The following EXOSC10 variants were observed in gnomAD, a reference collection of about 807,000 sequenced individuals.
EXOSC10 encodes the protein exosome complex component 10.
In EXOSC10, 94 loss-of-function variants were observed where a neutral mutation model predicts 126.6. That is an observed-to-expected ratio of 0.74 (90% CI 0.63 to 0.88). EXOSC10 has a LOEUF of 0.88. Among genes scored for constraint, EXOSC10 ranks in the 40% least tolerant of loss-of-function variants. EXOSC10 has a pLI of 0.00. For missense variants in EXOSC10, 1,041 were observed against 1,100.5 expected (o/e 0.95, Z 0.77); for synonymous variants, 395 against 400.8 (o/e 0.99, Z 0.17).
intron 10 of EXOSC10, 151 bp downstream of exon 10, chr1:11,082,537 T>A: frequency 6.8e-7 from 1 of 1,478,550 alleles, no homozygotes; most frequent in South Asian, 1.4e-5. Context: ...TTCCTACCAC[T>A]TTTACGCTGC....
rs779405374 is a variant in EXOSC10, at chr1:11,076,959, A to G, written c.1880-11T>C. The G allele has an allele frequency of 1.2e-6, 2 of 1,600,628 alleles. No homozygotes were observed. The highest frequency in any genetic ancestry group is 1.7e-6 in the Non-Finnish European group (2 of 1,168,398). ...GAACTGGCACAGATCCTAGAGGAGCAGAAGATAGTAAGGTCAAAGCCTACA... is the reference window on the plus strand; with the variant it reads ...GAACTGGCACAGATCCTAGAGGAGCGGAAGATAGTAAGGTCAAAGCCTACA... On this transcript the variant is annotated splice_polypyrimidine_tract_variant and intron_variant, in intron 16 of 24. Transcript: ENST00000376936.
intron 18 of EXOSC10, 111 bp downstream of exon 18, chr1:11,074,120 A>G: frequency 2.2e-6 from 3 of 1,372,294 alleles, no homozygotes; most frequent in South Asian, 1.2e-5. Flanking sequence ...CTTTGCCAGG[A>G]CACCAGGGCA....
chr1:11,089,624 A>C (rs536511173), intron 6 of EXOSC10, among the ~76,000 whole-genome samples: 2 of 149,844 alleles, frequency 1.3e-5, no homozygotes, highest in African/African-American at 2.4e-5. Context: ...TCCGTCCCAA[A>C]AAAAAAAAAA....
At chr1:11,070,038 C>T (rs1195436298) in intron 21 of EXOSC10, among the ~76,000 whole-genome samples, 1 of 151,970 alleles carries the variant, frequency 6.6e-6, no homozygotes, top group East Asian at 1.9e-4. Flanking sequence ...CTGAGACCAG[C>T]CTGGGCAACA....
chr1:11,088,587 C>G lies in EXOSC10; in HGVS notation c.759-389G>C, dbSNP rs140737225. 5.4e-4 allele frequency among the ~76,000 whole-genome samples: 82 copies of G among 152,316 alleles called. No homozygotes were observed. In the East Asian group the frequency reaches 0.014, roughly 25 times the overall value. ...AGCAAATACTGCAGTTGGCCAAGAG[C>G]TTAATGTTATATTTTTTCTGATCCT... On this transcript the variant is annotated intron_variant, in intron 6 of 24. Coordinates refer to ENST00000376936, the MANE Select transcript of EXOSC10 (RefSeq NM_001001998.3).
intron 3 of EXOSC10, chr1:11,095,372 G>A (rs545273369): frequency 6.2e-6 from 1 of 161,400 alleles, no homozygotes; most frequent in South Asian, 1.8e-4. Context: ...GGGTTGCTCT[G>A]TCTATCCGTA....
At chr1:11,078,775 C>G (rs577471210) in intron 14 of EXOSC10, among the ~76,000 whole-genome samples, 8 of 152,240 alleles carry the variant, frequency 5.3e-5, no homozygotes, top group African/African-American at 1.9e-4. Flanking sequence ...CTGAGGTCAC[C>G]GCTCCATCTC....
In EXOSC10 at chr1:11,067,994, C is replaced by A. The variant is rs757060707; in HGVS notation, c.2627+14G>T. 6.2e-7 allele frequency: 1 copy of A among 1,612,924 alleles called. No individual in the cohort carries two copies. Among genetic ancestry groups the A allele is most frequent in the African/African-American group, 1.3e-5 (1 of 74,878 alleles). Reference sequence around the variant, plus strand: ...CACTGGGCTCCCTGGGCCACACCGCCGTCCACCACATACCTGTCTGACTTT... The same window carrying A: ...CACTGGGCTCCCTGGGCCACACCGCAGTCCACCACATACCTGTCTGACTTT... On this transcript the variant is annotated intron_variant, in intron 24 of 24. Coordinates refer to ENST00000376936, the MANE Select transcript of EXOSC10 (RefSeq NM_001001998.3).
At chr1:11,069,533 T>C (rs754818732) in intron 22 of EXOSC10, 26 bp downstream of exon 22, 2 of 1,607,854 alleles carry the variant, frequency 1.2e-6, no homozygotes, top group East Asian at 2.2e-5. Flanking sequence ...CAGATGTCCC[T>C]GTATGGGGCC....
At position 11,078,790 on chromosome 1, in the gene EXOSC10, C is replaced by T. The variant is rs548026044; in HGVS notation, c.1749+921G>A. ...CTGAGGTCACCGCTCCATCTCACTC[C>T]ACCACATTAACTGCCTTAGAACAGT... is the stretch of plus-strand genomic sequence containing the variant. On this transcript the variant is annotated intron_variant, in intron 14 of 24. Transcript: ENST00000376936. Among the ~76,000 whole-genome samples, 41 of 152,294 alleles carry T rather than the reference C, an allele frequency of 2.7e-4. No individual in the cohort carries two copies. The South Asian group carries it at 8.1e-3, about 30-fold the overall frequency.
intron 24 of EXOSC10, among the ~76,000 whole-genome samples, chr1:11,066,959 CCT>C (rs1039965920): frequency 2.6e-5 from 4 of 152,218 alleles, no homozygotes; most frequent in African/African-American, 7.2e-5. Flanking sequence ...GGGCAAGTCC[CCT>C]GACCTCAGGG....
intron 5 of EXOSC10, 46 bp from the exon 6 acceptor site, chr1:11,090,714 C>A (rs752277174): frequency 7.9e-6 from 11 of 1,394,356 alleles, no homozygotes; most frequent in Non-Finnish European, 1.1e-5. Flanking sequence ...ACATTCATGT[C>A]TTTTCTAATT....
chr1:11,087,319 C>T (rs1640549871), intron 9 of EXOSC10, 129 bp downstream of exon 9: 2 of 1,099,826 alleles, frequency 1.8e-6, no homozygotes, highest in East Asian at 2.4e-5. Flanking sequence ...TAGCACTGTA[C>T]CCTAGTTAGG....
intron 5 of EXOSC10, 132 bp from the exon 6 acceptor site, chr1:11,090,800 G>T: frequency 1.2e-6 from 1 of 817,516 alleles, no homozygotes; most frequent in Non-Finnish European, 1.9e-6. Context: ...CCCCCAGGCT[G>T]AAGTGTGGTG....
intron 23 of EXOSC10, chr1:11,068,371 C>G (rs1639238618): frequency 1.7e-6 from 1 of 590,246 alleles, no homozygotes; most frequent in Admixed American, 3.0e-5. Context: ...CAGGCTTGTG[C>G]TGGCCCCAAA....
At chr1:11,081,365 G>A in intron 10 of EXOSC10, 127 bp from the exon 11 acceptor site, 2 of 980,466 alleles carry the variant, frequency 2.0e-6, no homozygotes, top group East Asian at 2.5e-5. Context: ...AGTCAATACT[G>A]CAGTTATGCC....
chr1:11,098,535 T>G (rs1189269575), intron 1 of EXOSC10, among the ~76,000 whole-genome samples: 1 of 152,116 alleles, frequency 6.6e-6, no homozygotes, highest in Non-Finnish European at 1.5e-5. Context: ...CACCACAGAG[T>G]TTTTGTGAGG....
intron 3 of EXOSC10, among the ~76,000 whole-genome samples, chr1:11,095,211 CAA>C (rs1222636613): frequency 2.3e-4 from 12 of 52,454 alleles, no homozygotes; most frequent in Admixed American, 4.1e-4. Flanking sequence ...GACTCCGTCT[CAA>C]AAAAAAAAAA....
chr1:11,093,428 G>A (rs1640905194), intron 3 of EXOSC10, among the ~76,000 whole-genome samples: 1 of 152,198 alleles, frequency 6.6e-6, no homozygotes, highest in Admixed American at 6.6e-5. Flanking sequence ...ATAGGATTAT[G>A]GCAGGACTTG....
Sources: allele counts gnomAD v4.1 joint callset (sites outside exome capture counted in the v4.1 genomes callset), GRCh38; gene constraint gnomAD v4.1.1; transcripts MANE v1.5; gene names NCBI Gene and HGNC (gene_info 2026-07-23, HGNC 2026-07-21).